GON4L: variants seen among roughly 807,000 people sequenced by gnomAD.
The protein encoded by GON4L is GON-4-like protein.
A neutral mutation model predicts 211.8 loss-of-function variants in GON4L; 87 were observed. The ratio of observed to expected loss-of-function variants is 0.41; its 90% CI spans 0.35 to 0.49. The LOEUF (loss-of-function observed/expected upper bound fraction) is 0.49. Ranked by LOEUF, GON4L falls within the 20% of genes least tolerant of loss-of-function variation. The pLI is 0.15. For missense variants in GON4L, 2,155 were observed against 2,659.5 expected (o/e 0.81, Z 4.17); for synonymous variants, 875 against 962.6 (o/e 0.91, Z 1.68).
chr1:155,827,523 T>C (rs1669323921), intron 2 of GON4L, among the ~76,000 whole-genome samples: 1 of 152,030 alleles, frequency 6.6e-6, no homozygotes, highest in East Asian at 1.9e-4. Flanking sequence ...GAGGCTAGCA[T>C]TAAAAAGACA....
intron 17 of GON4L, 179 bp downstream of exon 17, chr1:155,774,823 T>C (rs1359868513): frequency 6.0e-5 from 54 of 904,332 alleles, no homozygotes; most frequent in Non-Finnish European, 9.1e-5. Flanking sequence ...CCAGAGATTA[T>C]CATGTAATTC....
intron 1 of GON4L, among the ~76,000 whole-genome samples, chr1:155,854,944 A>T (rs1304214666): frequency 6.6e-6 from 1 of 152,020 alleles, no homozygotes; most frequent in Non-Finnish European, 1.5e-5. Context: ...CTGAGGCAGG[A>T]CAATCACTTG....
chr1:155,767,356 C>A, intron 20 of GON4L, 69 bp downstream of exon 20: 1 of 1,613,620 alleles, frequency 6.2e-7, no homozygotes, highest in South Asian at 1.1e-5. Flanking sequence ...ATTAAGGAAG[C>A]CCTTGATATT....
rs748432281 is a variant in GON4L, at chr1:155,773,061, C to T, written c.2495+5G>A. ...CTGTTTTGATCCCCCAGAGTAAACACTTACTTGTCCTCAGCCTTGGTGAAG... is the reference window on the plus strand; with the variant it reads ...CTGTTTTGATCCCCCAGAGTAAACATTTACTTGTCCTCAGCCTTGGTGAAG... On this transcript the variant is annotated splice_donor_5th_base_variant and intron_variant, in intron 18 of 31. Transcript: ENST00000368331. 1 of 1,611,934 alleles carries T rather than the reference C, an allele frequency of 6.2e-7. No individual in the cohort carries two copies. The highest frequency in any genetic ancestry group is 1.1e-5 in the South Asian group (1 of 91,008).
At chr1:155,821,375 G>A in intron 5 of GON4L, 99 bp downstream of exon 5, 1 of 757,000 alleles carries the variant, frequency 1.3e-6, no homozygotes, top group Non-Finnish European at 2.4e-6. Context: ...AACCCCAGCT[G>A]CCAAACTGTT....
intron 28 of GON4L, chr1:155,753,888 T>C (rs548376268): frequency 4.7e-6 from 1 of 214,082 alleles, no homozygotes; most frequent in Admixed American, 5.3e-5. Flanking sequence ...TTTTTTTTTT[T>C]AAACACGGTC....
chr1:155,767,345 G>A (rs1161755693), intron 20 of GON4L, 80 bp downstream of exon 20: 10 of 1,613,656 alleles, frequency 6.2e-6, no homozygotes, highest in African/African-American at 1.3e-5. Flanking sequence ...AGCATTAGAC[G>A]ATTAAGGAAG....
intron 12 of GON4L, among the ~76,000 whole-genome samples, chr1:155,787,192 G>A (rs1238923730): frequency 6.6e-6 from 1 of 152,146 alleles, no homozygotes; most frequent in East Asian, 1.9e-4. Flanking sequence ...TTACAGGCGT[G>A]AGCTACCGCG....
Position 155,766,222 on chromosome 1 carries a change from G to A in GON4L, c.3251C>T (p.Pro1084Leu), listed in dbSNP as rs1321695228. Residue 1084 changes from proline (P) to leucine (L), a missense_variant, in exon 21 of 32, where the codon CCT becomes CTT. Physicochemically the swap from Pro to Leu is moderately conservative, Grantham distance 98. Coordinates refer to ENST00000368331, the MANE Select transcript of GON4L (RefSeq NM_001282860.2). Reference protein sequence around the residue: ...AVPPEARTSFPLSESQTLLSS... With the variant: ...AVPPEARTSFLLSESQTLLSS... ...GAGCAAAGTCTGGGACTCAGACAGA[G>A]GGAAGCTTGTCCTGGCCTCAGGGGG... 5.6e-6 allele frequency: 9 copies of A among 1,614,174 alleles called. No individual in the cohort carries two copies. The highest frequency in any genetic ancestry group is 2.2e-5 in the South Asian group (2 of 91,088).
chr1:155,833,684 G>A (rs1670011044), intron 2 of GON4L, among the ~76,000 whole-genome samples: 1 of 140,118 alleles, frequency 7.1e-6, no homozygotes, highest in African/African-American at 2.6e-5. Flanking sequence ...GGGAAGGAAG[G>A]GGAGGGGAGG....
Position 155,815,880 on chromosome 1 carries a change from G to A in GON4L, c.1086C>T (p.Ile362=). ...CTGAGGAATCATCTTCTTCAAGGTGGATATCCACAAACTGAGGAGGCTACA... is the reference window on the plus strand; with the variant it reads ...CTGAGGAATCATCTTCTTCAAGGTGAATATCCACAAACTGAGGAGGCTACA... ...NEIKPPQFVD[I]HLEEDDSSDE... Residue 362 remains isoleucine, a synonymous_variant, in exon 8 of 32, where the codon ATC becomes ATT. Transcript: ENST00000368331. 6.3e-7 allele frequency: 1 copy of A among 1,598,826 alleles called. No homozygotes were observed. Among genetic ancestry groups the A allele is most frequent in the Non-Finnish European group, 8.6e-7 (1 of 1,166,400 alleles).
downstream of GON4L, chr1:155,749,647 A>C (rs1660397934): frequency 1.4e-6 from 2 of 1,406,556 alleles, no homozygotes; most frequent in Non-Finnish European, 1.9e-6. Context: ...TAGGAGGTGA[A>C]GAAAACTGAG....
At chr1:155,848,529 C>A (rs1292358877) in intron 2 of GON4L, among the ~76,000 whole-genome samples, 1 of 152,342 alleles carries the variant, frequency 6.6e-6, no homozygotes, top group Admixed American at 6.5e-5. Flanking sequence ...CTTTCCCACA[C>A]AAACACAGCA....
intron 12 of GON4L, 136 bp downstream of exon 12, chr1:155,794,914 G>T: frequency 1.5e-6 from 1 of 688,220 alleles, no homozygotes; most frequent in South Asian, 1.5e-5. Context: ...TAAAGAATCA[G>T]ATCAATAAAT....
rs142701560 is a variant in GON4L at position 155,787,621 on chromosome 1, A to G, written c.1748-2247T>C. Among the ~76,000 whole-genome samples, 639 of 152,242 alleles carry G rather than the reference A, an allele frequency of 4.2e-3. 4 individuals are homozygous for G. Among genetic ancestry groups the G allele is most frequent in the African/African-American group, 0.015 (625 of 41,552 alleles). On this transcript the variant is annotated intron_variant, in intron 12 of 31. Coordinates refer to ENST00000368331, the MANE Select transcript of GON4L (RefSeq NM_001282860.2). ...AACCCCGTCTCTACTAAAAATACAA[A>G]AATTAGCCAGGCATGGTGGCATGCA...
At chr1:155,809,518 T>G (rs1043559575) in intron 10 of GON4L, among the ~76,000 whole-genome samples, 1 of 146,220 alleles carries the variant, frequency 6.8e-6, no homozygotes, top group African/African-American at 2.5e-5. Context: ...TATTTTTAAT[T>G]ATATACTTAT....
chr1:155,788,637 G>A (rs531526306), intron 12 of GON4L, among the ~76,000 whole-genome samples: 1 of 152,192 alleles, frequency 6.6e-6, no homozygotes, highest in South Asian at 2.1e-4. Flanking sequence ...TATACACAAC[G>A]AAATTCTACT....
chr1:155,785,221 A>G (rs775340495), intron 13 of GON4L, 113 bp downstream of exon 13: 2 of 795,566 alleles, frequency 2.5e-6, no homozygotes, highest in South Asian at 2.7e-5. Context: ...TAAAAGGAGA[A>G]TTGGTTCAGT....
intron 16 of GON4L, 52 bp downstream of exon 16, chr1:155,776,343 C>T: frequency 8.3e-7 from 1 of 1,198,238 alleles, no homozygotes; most frequent in Non-Finnish European, 1.2e-6. Context: ...AATAACCTGC[C>T]AAGCTAATTT....
Sources: gnomAD v4.1 joint callset for allele counts (sites outside exome capture counted in the v4.1 genomes callset) on GRCh38, gnomAD v4.1.1 for gene constraint, MANE v1.5 for transcripts, NCBI Gene and HGNC (gene_info 2026-07-23, HGNC 2026-07-21) for gene names.